The following MGAT4C variants were observed in gnomAD, a reference collection of about 807,000 sequenced individuals.
MGAT4C encodes alpha-1,3-mannosyl-glycoprotein 4-beta-N-acetylglucosaminyltransferase C.
In MGAT4C, 19 loss-of-function variants were observed where a neutral mutation model predicts 40.1. The ratio of observed to expected loss-of-function variants is 0.47; its 90% confidence interval spans 0.33 to 0.70. MGAT4C has a LOEUF of 0.70. Among genes scored for constraint, MGAT4C ranks in the 30% least tolerant of loss-of-function variants. The pLI, the probability that MGAT4C is intolerant of heterozygous loss-of-function variation, is 0.02. For missense variants in MGAT4C, 491 were observed against 563.2 expected (o/e 0.87, Z 1.30); for synonymous variants, 181 against 187.1 (o/e 0.97, Z 0.27).
chr12:86,809,199 T>C (rs1952422744), intron 1 of MGAT4C, among the ~76,000 whole-genome samples: 2 of 152,036 alleles, frequency 1.3e-5, no homozygotes, highest in African/African-American at 2.4e-5. Flanking sequence ...TTATTTAGCA[T>C]AATCCTTTCA....
chr12:86,491,543 A>T (rs1958135442), intron 2 of MGAT4C, among the ~76,000 whole-genome samples: 1 of 152,062 alleles, frequency 6.6e-6, no homozygotes, highest in Non-Finnish European at 1.5e-5. Context: ...AAAGACAAAA[A>T]CCACATGATT....
At chr12:86,791,684 G>C (rs1460498513) in intron 1 of MGAT4C, among the ~76,000 whole-genome samples, 1 of 151,772 alleles carries the variant, frequency 6.6e-6, no homozygotes, top group African/African-American at 2.4e-5. Flanking sequence ...TTTGCTTCTG[G>C]ACGGGTTTGT....
intron 2 of MGAT4C, among the ~76,000 whole-genome samples, chr12:86,525,053 T>A (rs1183789220): frequency 6.6e-6 from 1 of 152,200 alleles, no homozygotes; most frequent in Non-Finnish European, 1.5e-5. Flanking sequence ...ATATTCTGAA[T>A]TCTGTTTCTG....
intron 2 of MGAT4C, among the ~76,000 whole-genome samples, chr12:86,515,460 AAATT>A (rs1181087629): frequency 6.6e-6 from 1 of 152,196 alleles, no homozygotes; most frequent in African/African-American, 2.4e-5. Context: ...CAACTTACAG[AAATT>A]AATTATATTT....
At chr12:86,574,054 T>C (rs1960468472) in intron 2 of MGAT4C, among the ~76,000 whole-genome samples, 1 of 151,828 alleles carries the variant, frequency 6.6e-6, no homozygotes, top group African/African-American at 2.4e-5. Flanking sequence ...ATACTTTTTT[T>C]TCATTTCCTA....
chr12:86,628,578 T>C (rs1259860735), intron 2 of MGAT4C, among the ~76,000 whole-genome samples: 2 of 151,742 alleles, frequency 1.3e-5, no homozygotes, highest in Non-Finnish European at 2.9e-5. Flanking sequence ...CAGAAGAGAG[T>C]GAGAGCCAAT....
At chr12:86,752,015 G>C (rs1246450793) in intron 1 of MGAT4C, among the ~76,000 whole-genome samples, 1 of 151,690 alleles carries the variant, frequency 6.6e-6, no homozygotes, top group Non-Finnish European at 1.5e-5. Context: ...ATATGTCTTG[G>C]AGCACAATGA....
rs547720326 is a variant in MGAT4C at position 86,759,626 on chromosome 12, G to C, written c.-261-32385C>G. Among the ~76,000 whole-genome samples the C allele has an allele frequency of 2.8e-4, 43 of 152,146 alleles. No individual in the cohort carries two copies. In the South Asian group the frequency reaches 8.9e-3, roughly 32 times the overall value. On this transcript the variant is annotated intron_variant, in intron 1 of 7. Coordinates refer to the MGAT4C transcript ENST00000548651. Reference sequence around the variant, plus strand: ...ATTTTAATTTGATTTGCATTCCCCTGATGATTAGTGATGTTGAGCATGTTT... The same window carrying C: ...ATTTTAATTTGATTTGCATTCCCCTCATGATTAGTGATGTTGAGCATGTTT...
chr12:86,572,074 T>C (rs902123746), intron 2 of MGAT4C, among the ~76,000 whole-genome samples: 1 of 152,116 alleles, frequency 6.6e-6, no homozygotes, highest in African/African-American at 2.4e-5. Flanking sequence ...AACTTAGATA[T>C]GCATTGGACA....
chr12:86,755,363 T>A (rs1371554347), intron 1 of MGAT4C, among the ~76,000 whole-genome samples: 3 of 152,138 alleles, frequency 2.0e-5, no homozygotes, highest in African/African-American at 7.2e-5. Flanking sequence ...TCTATACATC[T>A]GTATTACACT....
chr12:86,355,959 C>T (rs549250387), intron 3 of MGAT4C, among the ~76,000 whole-genome samples: 2 of 152,152 alleles, frequency 1.3e-5, no homozygotes, highest in Admixed American at 1.3e-4. Flanking sequence ...AGATGAAATA[C>T]ATATGATAGC....
rs903558918 is a variant in MGAT4C, at chr12:86,189,534, T to C, written c.-57+66705A>G. 2.0e-5 allele frequency among the ~76,000 whole-genome samples: 3 copies of C among 151,986 alleles called. No individual in the cohort carries two copies. In the East Asian group the frequency reaches 5.8e-4, roughly 29 times the overall value. On this transcript the variant is annotated intron_variant, in intron 1 of 4. Coordinates refer to ENST00000611864, the MANE Select transcript of MGAT4C (RefSeq NM_001351288.2). ...GAACATTGTATTTTTAAAAAATTTT[T>C]CTATTGTAGTGCTTCTTAGTAAAAG...
rs839164 is a variant in MGAT4C at position 86,193,852 on chromosome 12, C to A, written c.-57+62387G>T. Among the ~76,000 whole-genome samples, 29 of 152,020 alleles carry A rather than the reference C, an allele frequency of 1.9e-4. 1 individual carries two copies. Among genetic ancestry groups the A allele is most frequent in the East Asian group, 3.9e-4 (2 of 5,166 alleles). The stretch of plus-strand genomic sequence containing the variant: ...ATATTCTGCTTTAGGTACATAGTTC[C>A]TTTTAACTTTGAGCTTTCTTGTCTC... On this transcript the variant is annotated intron_variant, in intron 1 of 4. Coordinates refer to ENST00000611864, the MANE Select transcript of MGAT4C (RefSeq NM_001351288.2).
chr12:86,774,378 CTG>C lies in MGAT4C; in HGVS notation c.-261-47139_-261-47138del, dbSNP rs1260050324. On this transcript the variant is annotated intron_variant, in intron 1 of 7. Transcript: ENST00000548651. ...CCCCTCTCTCTCTCTCTCTTTCTGT[CTG>C]TCTCTCTCTCTCTCTCCTCTCTCTC... 1.3e-3 allele frequency among the ~76,000 whole-genome samples: 117 copies of C among 87,088 alleles called. 10 individuals are homozygous for C. Among genetic ancestry groups the C allele is most frequent in the African/African-American group, 4.0e-3 (110 of 27,350 alleles). 57.1% of individuals were successfully genotyped at this position (87,088 alleles called of 152,430 possible).
chr12:86,366,771 C>A (rs924827101), intron 3 of MGAT4C, among the ~76,000 whole-genome samples: 3 of 151,974 alleles, frequency 2.0e-5, no homozygotes, highest in Admixed American at 2.0e-4. Context: ...CAGCAATAAT[C>A]CAGTAATGCA....
intron 2 of MGAT4C, among the ~76,000 whole-genome samples, chr12:86,464,470 CCTT>C: frequency 6.6e-6 from 1 of 151,902 alleles, no homozygotes; most frequent in East Asian, 1.9e-4. Context: ...TTGATTGTAA[CCTT>C]ATATTTGATT....
intron 2 of MGAT4C, among the ~76,000 whole-genome samples, chr12:86,508,629 G>A (rs527390164): frequency 6.6e-4 from 100 of 151,572 alleles, no homozygotes; most frequent in Admixed American, 1.3e-3. Flanking sequence ...CTGAGGAATC[G>A]CCACACCGAC....
At chr12:86,571,409 GTATA>G (rs1045575252) in intron 2 of MGAT4C, among the ~76,000 whole-genome samples, 1 of 151,704 alleles carries the variant, frequency 6.6e-6, no homozygotes, top group African/African-American at 2.4e-5. Context: ...ACATAAGTGT[GTATA>G]TATATATGAA....
intron 1 of MGAT4C, among the ~76,000 whole-genome samples, chr12:86,833,933 C>T (rs1294489444): frequency 1.3e-5 from 2 of 151,666 alleles, no homozygotes. Context: ...TTTCCCATTA[C>T]CAATTTGTTT....
Sources: allele counts gnomAD v4.1 joint callset (sites outside exome capture counted in the v4.1 genomes callset), GRCh38; gene constraint gnomAD v4.1.1; transcripts MANE v1.5; gene names NCBI Gene and HGNC (gene_info 2026-07-23, HGNC 2026-07-21).